The following PTPRD variants were observed in gnomAD, a reference collection of about 807,000 sequenced individuals.
PTPRD encodes the protein receptor-type tyrosine-protein phosphatase delta.
PTPRD carries 34 observed loss-of-function variants against 214.5 expected under a neutral mutation model. That is an observed-to-expected ratio of 0.16 (90% CI 0.12 to 0.21). The LOEUF (loss-of-function observed/expected upper bound fraction) is 0.21. Among genes scored for constraint, PTPRD ranks in the 10% least tolerant of loss-of-function variants. The probability of loss-of-function intolerance (pLI) is 1.00; values close to 1 mark genes in which losing one functional copy is unlikely to be tolerated. For missense variants in PTPRD, 2,545 were observed against 2,398.7 expected (o/e 1.06, Z -1.27); for synonymous variants, 1,128 against 845.7 (o/e 1.33, Z -5.79).
intron 2 of PTPRD, among the ~76,000 whole-genome samples, chr9:10,440,232 G>T (rs532690028): frequency 6.6e-6 from 1 of 151,548 alleles, no homozygotes; most frequent in East Asian, 1.9e-4. Context: ...GAAGCATCAG[G>T]TATTCCTTTA....
At chr9:8,483,640 T>C (rs1362729437) in intron 30 of PTPRD, among the ~76,000 whole-genome samples, 1 of 152,082 alleles carries the variant, frequency 6.6e-6, no homozygotes, top group Non-Finnish European at 1.5e-5. Flanking sequence ...TAATCCCAGC[T>C]ACTCAGGAGG....
intron 7 of PTPRD, among the ~76,000 whole-genome samples, chr9:9,648,857 G>C (rs954659877): frequency 1.3e-5 from 2 of 152,044 alleles, no homozygotes; most frequent in African/African-American, 4.8e-5. Flanking sequence ...ATGGGAAACA[G>C]AAAAATGAAA....
chr9:9,606,908 C>T (rs1032952748), intron 7 of PTPRD, among the ~76,000 whole-genome samples: 30 of 126,674 alleles, frequency 2.4e-4, no homozygotes, highest in African/African-American at 9.1e-4. Context: ...ACAATTAAGG[C>T]AGACAGGGCT....
intron 14 of PTPRD, among the ~76,000 whole-genome samples, chr9:8,532,185 C>G (rs935453066): frequency 5.9e-5 from 9 of 151,992 alleles, no homozygotes; most frequent in Non-Finnish European, 1.3e-4. Flanking sequence ...ATTCAAATAG[C>G]CAGAGCTGTT....
intron 2 of PTPRD, among the ~76,000 whole-genome samples, chr9:10,571,856 C>T (rs2067555354): frequency 1.3e-5 from 2 of 152,074 alleles, no homozygotes; most frequent in South Asian, 2.1e-4. Context: ...AATTGAATGC[C>T]GCTGCTGATC....
At chr9:8,635,288 T>C (rs2096394984) in intron 13 of PTPRD, among the ~76,000 whole-genome samples, 3 of 151,674 alleles carry the variant, frequency 2.0e-5, no homozygotes, top group Middle Eastern at 6.8e-3. Context: ...TCAGGAGCCA[T>C]TGTCATTAGA....
intron 34 of PTPRD, among the ~76,000 whole-genome samples, chr9:8,440,061 A>G (rs1662173435): frequency 6.9e-6 from 1 of 144,608 alleles, no homozygotes; most frequent in Admixed American, 7.4e-5. Flanking sequence ...TCTTAGTCCT[A>G]TAGGATTCAT....
chr9:9,813,398 GAAC>G (rs2047765021), intron 5 of PTPRD, among the ~76,000 whole-genome samples: 1 of 151,472 alleles, frequency 6.6e-6, no homozygotes, highest in African/African-American at 2.4e-5. Flanking sequence ...AGCAAAAATA[GAAC>G]AAAAGACAGA....
At chr9:10,570,249 G>C (rs115435887) in intron 2 of PTPRD, among the ~76,000 whole-genome samples, 19 of 152,124 alleles carry the variant, frequency 1.2e-4, no homozygotes, top group African/African-American at 4.6e-4. Context: ...TATCCATCTT[G>C]TTTGACCATT....
At chr9:10,282,102 A>T (rs1243735865) in intron 3 of PTPRD, among the ~76,000 whole-genome samples, 1 of 152,174 alleles carries the variant, frequency 6.6e-6, no homozygotes, top group Non-Finnish European at 1.5e-5. Context: ...CAATGAAAGC[A>T]GTCATGGAAA....
At chr9:10,212,967 C>T (rs1012729537) in intron 3 of PTPRD, among the ~76,000 whole-genome samples, 3 of 152,108 alleles carry the variant, frequency 2.0e-5, no homozygotes, top group Admixed American at 2.0e-4. Context: ...GAATTTTGCA[C>T]AACGTAACCT....
intron 11 of PTPRD, among the ~76,000 whole-genome samples, chr9:8,964,772 C>T (rs982059983): frequency 6.6e-6 from 1 of 152,086 alleles, no homozygotes; most frequent in Non-Finnish European, 1.5e-5. Flanking sequence ...TCACTTACTT[C>T]AAATAATTTT....
At chr9:9,280,391 CA>C (rs1022959617) in intron 9 of PTPRD, among the ~76,000 whole-genome samples, 4 of 150,930 alleles carry the variant, frequency 2.7e-5, no homozygotes, top group Admixed American at 6.6e-5. Context: ...AAATAATCTA[CA>C]AAAAAACTCT....
intron 7 of PTPRD, among the ~76,000 whole-genome samples, chr9:9,682,181 C>A (rs2097087937): frequency 6.6e-6 from 1 of 151,612 alleles, no homozygotes; most frequent in Non-Finnish European, 1.5e-5. Flanking sequence ...CTAGCATATC[C>A]CCCTCCTCGA....
chr9:9,795,044 A>G (rs2098993271), intron 5 of PTPRD, among the ~76,000 whole-genome samples: 1 of 152,162 alleles, frequency 6.6e-6, no homozygotes, highest in Non-Finnish European at 1.5e-5. Flanking sequence ...GGCACAGGCC[A>G]CTCCCAAGCC....
At chr9:9,102,158 CAT>C (rs892687993) in intron 10 of PTPRD, among the ~76,000 whole-genome samples, 1 of 152,116 alleles carries the variant, frequency 6.6e-6, no homozygotes, top group Non-Finnish European at 1.5e-5. Context: ...GATTTTATTT[CAT>C]ATGTTTTATA....
chr9:8,696,726 G>A (rs187883407), intron 12 of PTPRD, among the ~76,000 whole-genome samples: 13 of 152,310 alleles, frequency 8.5e-5, no homozygotes, highest in Admixed American at 5.9e-4. Context: ...GCAGAAGCTA[G>A]GTCAACCAAC....
intron 6 of PTPRD, among the ~76,000 whole-genome samples, chr9:9,753,684 A>G (rs1345864583): frequency 6.6e-6 from 1 of 152,012 alleles, no homozygotes; most frequent in Non-Finnish European, 1.5e-5. Context: ...GGAGGTTATC[A>G]AAGCCTCAAA....
At chr9:8,721,039 ATTT>A (rs33958683) in intron 12 of PTPRD, among the ~76,000 whole-genome samples, 1 of 138,302 alleles carries the variant, frequency 7.2e-6, no homozygotes, top group Admixed American at 7.4e-5. Flanking sequence ...TGACCCTTGG[ATTT>A]TTTTTTTTTT....
Sources: gnomAD v4.1 joint callset for allele counts (sites outside exome capture counted in the v4.1 genomes callset) on GRCh38, gnomAD v4.1.1 for gene constraint, MANE v1.5 for transcripts, NCBI Gene and HGNC (gene_info 2026-07-23, HGNC 2026-07-21) for gene names.